The following MAST4 variants were observed in gnomAD, a reference collection of about 807,000 sequenced individuals.
MAST4 encodes the protein microtubule-associated serine/threonine-protein kinase 4.
A neutral mutation model predicts 162.7 loss-of-function variants in MAST4; 89 were observed. The observed-to-expected ratio is 0.55, with a 90% CI of 0.46 to 0.65. The LOEUF is 0.65. MAST4 is among the 30% of genes least tolerant of loss of function. MAST4 has a pLI of 0.00. For missense variants in MAST4, 3,153 were observed against 3,374.0 expected, an observed-to-expected ratio of 0.93 and a Z score of 1.62; for synonymous variants, 1,479 against 1,361.1, an observed-to-expected ratio of 1.09 and a Z score of -1.91.
At chr5:66,742,652 G>A (rs545692537) in intron 1 of MAST4, among the ~76,000 whole-genome samples, 2 of 152,224 alleles carry the variant, frequency 1.3e-5, no homozygotes, top group East Asian at 3.9e-4. Context: ...TTTTAGTGGA[G>A]TTGCGAACCT....
chr5:67,110,822 C>T (rs1324360699), intron 11 of MAST4, among the ~76,000 whole-genome samples: 2 of 152,172 alleles, frequency 1.3e-5, no homozygotes, highest in East Asian at 3.9e-4. Context: ...TCAGGAGTTC[C>T]AGACCAGCCT....
rs563909952 is a variant in MAST4, at chr5:66,991,630, T to A, written c.675-62774T>A. 6.6e-5 allele frequency among the ~76,000 whole-genome samples: 10 copies of A among 152,274 alleles called. No individual in the cohort carries two copies. The East Asian group carries it at 1.9e-3, about 29-fold the overall frequency. ...ATCCAATCCTGTTTCTGGGACAAAA[T>A]CACTGGATGGATCTTTCCGAGCCAT... On this transcript the variant is annotated intron_variant, in intron 4 of 28. Coordinates refer to ENST00000403625, the MANE Select transcript of MAST4 (RefSeq NM_001164664.2).
intron 1 of MAST4, among the ~76,000 whole-genome samples, chr5:66,597,685 T>A (rs1225999459): frequency 6.6e-6 from 1 of 152,084 alleles, no homozygotes; most frequent in Non-Finnish European, 1.5e-5. Context: ...CGAGTACAGA[T>A]CGTCTTACCT....
chr5:67,090,287 C>T, intron 6 of MAST4, 56 bp downstream of exon 6: 10 of 1,308,120 alleles, frequency 7.6e-6, no homozygotes, highest in Non-Finnish European at 1.1e-5. Context: ...TCCCATTTTC[C>T]TCTCCCTCTC....
At chr5:66,882,309 C>T (rs1177181747) in intron 3 of MAST4, among the ~76,000 whole-genome samples, 1 of 151,994 alleles carries the variant, frequency 6.6e-6, no homozygotes, top group African/African-American at 2.4e-5. Flanking sequence ...TGGACATTAT[C>T]TACTTAAATA....
At chr5:66,948,051 C>T (rs1463590479) in intron 4 of MAST4, among the ~76,000 whole-genome samples, 1 of 152,112 alleles carries the variant, frequency 6.6e-6, no homozygotes, top group Non-Finnish European at 1.5e-5. Context: ...AGCCAAGTGT[C>T]ACAGGTTCCA....
In MAST4 at chr5:67,165,998, C is replaced by T; in HGVS notation, c.6819C>T (p.Val2273=). 6.2e-7 allele frequency: 1 copy of T among 1,613,640 alleles called. No individual in the cohort carries two copies. The highest frequency in any genetic ancestry group is 1.1e-5 in the South Asian group (1 of 91,076). ...GIGQGEGGPS[V]PLHTDRAPLD... ...GCCAGGGAGAAGGTGGGCCCTCTGTCCCACTGCACACTGACAGGGCTCCTC... is the reference window on the plus strand; with the variant it reads ...GCCAGGGAGAAGGTGGGCCCTCTGTTCCACTGCACACTGACAGGGCTCCTC... Residue 2273 remains valine (V), a synonymous_variant, in exon 29 of 29, where the codon GTC becomes GTT. Transcript: ENST00000403625.
intron 4 of MAST4, among the ~76,000 whole-genome samples, chr5:66,951,934 G>A (rs191754626): frequency 2.0e-5 from 3 of 152,154 alleles, no homozygotes; most frequent in African/African-American, 7.2e-5. Flanking sequence ...TCTCCTGCAT[G>A]GAGGCAGTTT....
At chr5:66,980,437 G>C (rs529124834) in intron 4 of MAST4, among the ~76,000 whole-genome samples, 1 of 152,332 alleles carries the variant, frequency 6.6e-6, no homozygotes, top group South Asian at 2.1e-4. Context: ...ATTGAGGTCT[G>C]AATTTAGCTA....
chr5:66,618,144 AAG>A (rs1376191240), intron 1 of MAST4, among the ~76,000 whole-genome samples: 3 of 152,168 alleles, frequency 2.0e-5, no homozygotes, highest in Non-Finnish European at 2.9e-5. Context: ...CTTGTGGAGA[AAG>A]AGAATCTTTA....
rs1334660498 is a variant in MAST4, at chr5:66,726,880, GA to G, written c.364-32826del. On this transcript the variant is annotated intron_variant, in intron 1 of 28. Coordinates refer to ENST00000403625, the MANE Select transcript of MAST4 (RefSeq NM_001164664.2). The stretch of plus-strand genomic sequence containing the variant: ...AGTCCGTGGAAAAATTGTCTTCCAT[GA>G]AACTGGTCCCTGGTGCCAAAAAGGT... Among the ~76,000 whole-genome samples the G allele has an allele frequency of 2.8e-3, 432 of 152,216 alleles. 2 individuals carry two copies. Among genetic ancestry groups the G allele is most frequent in the African/African-American group, 9.9e-3 (413 of 41,528 alleles).
Position 67,149,355 on chromosome 5 carries a change from T to C in MAST4, c.3095-34T>C, listed in dbSNP as rs772098287. ...TTCCCACCTCTCCTATCCTGGATTT[T>C]CCTGAATGTGTTTATCCCTTCTTCT... On this transcript the variant is annotated intron_variant, in intron 23 of 28. Transcript: ENST00000403625. 1.9e-5 allele frequency: 30 copies of C among 1,586,130 alleles called. No homozygotes were observed. In the African/African-American group the frequency reaches 4.0e-4, roughly 21 times the overall value.
chr5:66,644,747 G>GTTT (rs10638374), intron 1 of MAST4, among the ~76,000 whole-genome samples: 2,954 of 137,720 alleles, frequency 0.021, 72 homozygotes, highest in Non-Finnish European at 0.033. Flanking sequence ...ATTTGAAGTA[G>GTTT]TTTTTTTTTT....
chr5:66,877,951 G>A (rs913434204), intron 3 of MAST4, among the ~76,000 whole-genome samples: 1 of 152,176 alleles, frequency 6.6e-6, no homozygotes, highest in African/African-American at 2.4e-5. Flanking sequence ...CATAGAAAAA[G>A]CCCTCTACCT....
At chr5:66,946,351 A>G (rs2150117579) in intron 4 of MAST4, among the ~76,000 whole-genome samples, 1 of 152,282 alleles carries the variant, frequency 6.6e-6, no homozygotes, top group South Asian at 2.1e-4. Context: ...ACTTCTTTAT[A>G]GCTCTTACGA....
intron 4 of MAST4, among the ~76,000 whole-genome samples, chr5:66,944,994 C>G (rs1273424615): frequency 6.6e-6 from 1 of 152,112 alleles, no homozygotes; most frequent in Non-Finnish European, 1.5e-5. Context: ...ACAGGATCTG[C>G]CCACAGTTCA....
Position 66,684,584 on chromosome 5 carries a change from T to C in MAST4, c.364-75125T>C, listed in dbSNP as rs568439692. Among the ~76,000 whole-genome samples, 26 of 152,288 alleles carry C rather than the reference T, an allele frequency of 1.7e-4. No individual in the cohort carries two copies. The South Asian group carries it at 3.5e-3, about 21-fold the overall frequency. On this transcript the variant is annotated intron_variant, in intron 1 of 28. Transcript: ENST00000403625. ...GCATATATGTTTTATACATACACAT[T>C]TGAATAAAAGTCAGGGTTGAAAACC...
In MAST4 at chr5:66,708,798, C is replaced by T. The variant is rs116293298; in HGVS notation, c.364-50911C>T. Among the ~76,000 whole-genome samples, 1,193 of 152,140 alleles carry T rather than the reference C, an allele frequency of 7.8e-3. 17 individuals carry two copies. Among genetic ancestry groups the T allele is most frequent in the African/African-American group, 0.027 (1,138 of 41,488 alleles). ...GGAGTTTCAGTTTTCCATGCATTAC[C>T]TTTGACCATAAGTGAATTTATTTCC... is the stretch of plus-strand genomic sequence containing the variant. On this transcript the variant is annotated intron_variant, in intron 1 of 28. Transcript: ENST00000403625.
At chr5:66,605,665 C>T (rs1742835445) in intron 1 of MAST4, among the ~76,000 whole-genome samples, 1 of 152,138 alleles carries the variant, frequency 6.6e-6, no homozygotes, top group African/African-American at 2.4e-5. Flanking sequence ...TTTATTGTTG[C>T]TTGGGGAGTG....
Sources: allele counts gnomAD v4.1 joint callset (sites outside exome capture counted in the v4.1 genomes callset), GRCh38; gene constraint gnomAD v4.1.1; transcripts MANE v1.5; gene names NCBI Gene and HGNC (gene_info 2026-07-23, HGNC 2026-07-21).